Variants in TGFBRAP1 observed in about 807,000 individuals in gnomAD.
TGFBRAP1 encodes transforming growth factor-beta receptor-associated protein 1.
Under a neutral mutation model 83.2 loss-of-function variants are expected in TGFBRAP1, and 20 were observed. That is an observed-to-expected ratio of 0.24 (90% confidence interval 0.17 to 0.35). The LOEUF is 0.35. TGFBRAP1 is among the 10% of genes least tolerant of loss of function. The probability of loss-of-function intolerance (pLI) is 1.00; values close to 1 mark genes in which losing one functional copy is unlikely to be tolerated. For missense variants in TGFBRAP1, 950 were observed against 1,099.4 expected, an observed-to-expected ratio of 0.86 and a Z score of 1.92; for synonymous variants, 415 against 459.8, an observed-to-expected ratio of 0.90 and a Z score of 1.25.
chr2:105,287,507 G>A (rs370252536), intron 4 of TGFBRAP1, among the ~76,000 whole-genome samples: 43 of 152,290 alleles, frequency 2.8e-4, no homozygotes, highest in African/African-American at 9.4e-4. Flanking sequence ...AAATCAGAAT[G>A]TGTGGGTCTG....
chr2:105,322,066 C>T (rs1679083355), intron 1 of TGFBRAP1, among the ~76,000 whole-genome samples: 1 of 152,094 alleles, frequency 6.6e-6, no homozygotes, highest in South Asian at 2.1e-4. Context: ...CGAAGACCTT[C>T]CAGTGGGACA....
Position 105,296,344 on chromosome 2 carries a change from T to G in TGFBRAP1, c.1038+12A>C. 1 of 1,613,382 alleles carries G rather than the reference T, an allele frequency of 6.2e-7. No individual in the cohort carries two copies. ...CTTAGAGGCATATTTCTGTGACCAG[T>G]TAATTACAAACCTGAAATTTTTCCT... On this transcript the variant is annotated intron_variant, in intron 4 of 11. Coordinates refer to ENST00000393359, the MANE Select transcript of TGFBRAP1 (RefSeq NM_004257.6).
intron 4 of TGFBRAP1, 104 bp from the exon 5 acceptor site, chr2:105,284,502 T>C: frequency 9.8e-7 from 1 of 1,021,686 alleles, no homozygotes; most frequent in Non-Finnish European, 1.5e-6. Context: ...CATAGAAATG[T>C]AAAATTACAA....
chr2:105,299,172 T>TC, intron 2 of TGFBRAP1, among the ~76,000 whole-genome samples: 1 of 151,884 alleles, frequency 6.6e-6, no homozygotes, highest in Non-Finnish European at 1.5e-5. Context: ...TCCCAGCTAC[T>TC]CGGGAGGCTA....
At chr2:105,312,168 A>G (rs1311649900) in intron 1 of TGFBRAP1, among the ~76,000 whole-genome samples, 2 of 152,116 alleles carry the variant, frequency 1.3e-5, no homozygotes, top group Admixed American at 1.3e-4. Flanking sequence ...TCGAAAATTT[A>G]AACTTTTTGT....
chr2:105,288,498 C>T (rs1032599344), intron 4 of TGFBRAP1, among the ~76,000 whole-genome samples: 40 of 152,236 alleles, frequency 2.6e-4, no homozygotes, highest in African/African-American at 8.9e-4. Context: ...GCTACCAAAG[C>T]GCAGAGGACA....
Position 105,275,518 on chromosome 2 carries a change from C to T in TGFBRAP1, c.1665+42G>A, listed in dbSNP as rs751115283. 2.5e-6 allele frequency: 4 copies of T among 1,607,336 alleles called. No individual in the cohort carries two copies. In the African/African-American group the frequency reaches 5.4e-5, roughly 22 times the overall value. ...AAGCTTTTGGGGTCTGTTTTTACCA[C>T]CTCCCCCAACCAAAGAGAATGCATT... On this transcript the variant is annotated intron_variant, in intron 8 of 11. Coordinates refer to ENST00000393359, the MANE Select transcript of TGFBRAP1 (RefSeq NM_004257.6).
At chr2:105,309,557 T>C (rs1163905832) in intron 1 of TGFBRAP1, among the ~76,000 whole-genome samples, 1 of 152,144 alleles carries the variant, frequency 6.6e-6, no homozygotes, top group Non-Finnish European at 1.5e-5. Context: ...GCCTTTCAAA[T>C]AGAAAATTTG....
chr2:105,251,222 C>T, the TGFBRAP1 span, among the ~76,000 whole-genome samples: 1 of 150,646 alleles, frequency 6.6e-6, no homozygotes, highest in Non-Finnish European at 1.5e-5. Flanking sequence ...CTCCGCCCGG[C>T]CGCCACCCCG....
At chr2:105,288,320 G>A (rs1236436910) in intron 4 of TGFBRAP1, among the ~76,000 whole-genome samples, 3 of 152,194 alleles carry the variant, frequency 2.0e-5, no homozygotes, top group Non-Finnish European at 4.4e-5. Context: ...AGGACAGCAC[G>A]AGCAGGCTGC....
chr2:105,276,168 C>T (rs1677336000), intron 7 of TGFBRAP1, among the ~76,000 whole-genome samples: 1 of 152,176 alleles, frequency 6.6e-6, no homozygotes, highest in Non-Finnish European at 1.5e-5. Context: ...TGTGCTTTTA[C>T]AAAAGCTTCA....
At chr2:105,293,055 C>CA (rs1445439377) in intron 4 of TGFBRAP1, among the ~76,000 whole-genome samples, 4 of 151,748 alleles carry the variant, frequency 2.6e-5, no homozygotes, top group Non-Finnish European at 4.4e-5. Context: ...GAGCACTGAC[C>CA]AGATACCCAG....
In TGFBRAP1 at chr2:105,275,656, T is replaced by C; in HGVS notation, c.1569A>G (p.Ser523=). The change falls in exon 8 of 12, where the codon TCA becomes TCG. Residue 523 remains serine, a synonymous_variant. Coordinates refer to ENST00000393359, the MANE Select transcript of TGFBRAP1 (RefSeq NM_004257.6). The stretch of plus-strand genomic sequence containing the variant: ...AATCCACGATGTATTCATACAGGTC[T>C]GAGCGTGTGGAGTCCTGGACATCGC... ...VNGDVQDSTR[S]DLYEYIVDFL... is the part of the protein sequence containing the mutation. 1.2e-6 allele frequency: 2 copies of C among 1,614,156 alleles called. No homozygotes were observed. The highest frequency in any genetic ancestry group is 1.7e-6 in the Non-Finnish European group (2 of 1,180,012).
At chr2:105,288,996 A>G (rs1204604729) in intron 4 of TGFBRAP1, among the ~76,000 whole-genome samples, 1 of 152,164 alleles carries the variant, frequency 6.6e-6, no homozygotes, top group African/African-American at 2.4e-5. Flanking sequence ...TCCAAAATAG[A>G]ATCTTCTTCC....
At chr2:105,276,967 A>T (rs563310333) in intron 7 of TGFBRAP1, among the ~76,000 whole-genome samples, 1 of 152,356 alleles carries the variant, frequency 6.6e-6, no homozygotes, top group South Asian at 2.1e-4. Context: ...ACGGTGCAGT[A>T]CAAATGCATA....
chr2:105,300,797 C>T (rs954123434), intron 2 of TGFBRAP1, among the ~76,000 whole-genome samples: 1 of 151,966 alleles, frequency 6.6e-6, no homozygotes, highest in African/African-American at 2.4e-5. Context: ...AATGAACTGA[C>T]AGAATAAAAC....
chr2:105,312,590 G>A lies in TGFBRAP1; in HGVS notation c.-17-4272C>T, dbSNP rs75199078. Reference sequence around the variant, plus strand: ...GAAATAGGACTAGAAAAATAAATCAGTAATAGTATAAAGCAATACATGCTA... The same window carrying A: ...GAAATAGGACTAGAAAAATAAATCAATAATAGTATAAAGCAATACATGCTA... On this transcript the variant is annotated intron_variant, in intron 1 of 11. Coordinates refer to ENST00000393359, the MANE Select transcript of TGFBRAP1 (RefSeq NM_004257.6). Among the ~76,000 whole-genome samples, 926 of 152,214 alleles carry A rather than the reference G, an allele frequency of 6.1e-3. 13 individuals carry two copies. The highest frequency in any genetic ancestry group is 0.021 in the African/African-American group (882 of 41,528).
intron 5 of TGFBRAP1, among the ~76,000 whole-genome samples, chr2:105,281,738 T>C (rs138453156): frequency 6.6e-6 from 1 of 152,330 alleles, no homozygotes; most frequent in East Asian, 1.9e-4. Flanking sequence ...CCACTTATGT[T>C]GCCAGTTTGT....
chr2:105,257,358 T>C, the TGFBRAP1 span, among the ~76,000 whole-genome samples: 1 of 152,194 alleles, frequency 6.6e-6, no homozygotes, highest in African/African-American at 2.4e-5. Flanking sequence ...TTTACATTGT[T>C]ATGCAATCAT....
Sources: gnomAD v4.1 joint callset for allele counts (sites outside exome capture counted in the v4.1 genomes callset) on GRCh38, gnomAD v4.1.1 for gene constraint, MANE v1.5 for transcripts, NCBI Gene and HGNC (gene_info 2026-07-23, HGNC 2026-07-21) for gene names.